The following NRXN3 variants were observed in gnomAD, a reference collection of about 807,000 sequenced individuals.
NRXN3 encodes the protein neurexin III.
NRXN3 carries 32 observed loss-of-function variants against 137.6 expected under a neutral mutation model. That is an observed-to-expected ratio of 0.23 (90% CI 0.18 to 0.31). NRXN3 has a LOEUF of 0.31. NRXN3 is among the 10% of genes least tolerant of loss of function. NRXN3 has a pLI of 1.00. For synonymous variants in NRXN3, 798 were observed against 784.5 expected, an observed-to-expected ratio of 1.02 and a Z score of -0.29; for missense variants, 1,574 against 2,062.5, an observed-to-expected ratio of 0.76 and a Z score of 4.59.
intron 4 of NRXN3, among the ~76,000 whole-genome samples, chr14:78,345,156 A>G (rs1443836843): frequency 6.6e-6 from 1 of 152,156 alleles, no homozygotes; most frequent in Non-Finnish European, 1.5e-5. Context: ...CCTGTGGCCC[A>G]CACTTGGGGG....
rs571687023 is a variant in NRXN3 at position 79,623,849 on chromosome 14, G to GTTTTTTTT, written c.3445-39916_3445-39909dup. 1.5e-4 allele frequency among the ~76,000 whole-genome samples: 15 copies of GTTTTTTTT among 98,012 alleles called. 1 individual carries two copies. Among genetic ancestry groups the GTTTTTTTT allele is most frequent in the African/African-American group, 2.3e-4 (6 of 25,922 alleles). 64.3% of individuals were successfully genotyped at this position (98,012 alleles called of 152,430 possible). On this transcript the variant is annotated intron_variant, in intron 16 of 20. Transcript: ENST00000335750. Reference sequence around the variant, plus strand: ...AGAAATCACTGAGTCCTTAGCTCCTGTTTTTTTTTTTTTTTTTTTTGGTTG... The same window carrying GTTTTTTTT: ...AGAAATCACTGAGTCCTTAGCTCCTGTTTTTTTTTTTTTTTTTTTTTTTTTTTTGGTTG...
chr14:78,330,437 G>A (rs2080668299), intron 4 of NRXN3, among the ~76,000 whole-genome samples: 1 of 151,986 alleles, frequency 6.6e-6, no homozygotes, highest in Non-Finnish European at 1.5e-5. Flanking sequence ...ACCTAATTTA[G>A]GTGGGCTTGG....
chr14:79,431,614 T>G (rs2095756132), intron 15 of NRXN3, among the ~76,000 whole-genome samples: 1 of 152,068 alleles, frequency 6.6e-6, no homozygotes, highest in Non-Finnish European at 1.5e-5. Context: ...TTAAAAGAAA[T>G]GAATGTAAAA....
chr14:78,889,015 T>C lies in NRXN3; in HGVS notation c.2276-68227T>C, dbSNP rs144994594. 2.8e-3 allele frequency among the ~76,000 whole-genome samples: 427 copies of C among 152,114 alleles called. 2 individuals carry two copies. The highest frequency in any genetic ancestry group is 9.7e-3 in the African/African-American group (404 of 41,532). On this transcript the variant is annotated intron_variant, in intron 10 of 20. Transcript: ENST00000335750. ...GGAGATATCTTATATCCTAAGGCTA[T>C]TGATTATGTCAGATGGAATCTCATC...
intron 15 of NRXN3, among the ~76,000 whole-genome samples, chr14:79,244,778 A>G (rs931600099): frequency 1.3e-5 from 2 of 152,174 alleles, no homozygotes; most frequent in Non-Finnish European, 2.9e-5. Context: ...TGGAGAAGAT[A>G]TAAGCGTATA....
intron 10 of NRXN3, among the ~76,000 whole-genome samples, chr14:78,848,350 G>A (rs948677460): frequency 1.3e-5 from 2 of 152,140 alleles, no homozygotes; most frequent in Non-Finnish European, 2.9e-5. Context: ...CACTGAAGAA[G>A]CTTTGGCAAA....
chr14:79,730,026 C>CAGAA, intron 19 of NRXN3, among the ~76,000 whole-genome samples: 1 of 152,152 alleles, frequency 6.6e-6, no homozygotes, highest in Middle Eastern at 3.4e-3. Flanking sequence ...TCATGCTTCT[C>CAGAA]AGAAAGAAAG....
At chr14:79,398,016 A>G (rs1457952291) in intron 15 of NRXN3, among the ~76,000 whole-genome samples, 1 of 152,194 alleles carries the variant, frequency 6.6e-6, no homozygotes, top group Non-Finnish European at 1.5e-5. Flanking sequence ...GATCATCTAT[A>G]ACACTTCCCT....
chr14:78,338,945 C>G (rs979198586), intron 4 of NRXN3, among the ~76,000 whole-genome samples: 1 of 152,148 alleles, frequency 6.6e-6, no homozygotes, highest in Non-Finnish European at 1.5e-5. Context: ...GGCTGAGCCT[C>G]GGATCTAGGC....
intron 19 of NRXN3, among the ~76,000 whole-genome samples, chr14:79,803,893 G>A (rs1005355950): frequency 7.1e-6 from 1 of 141,272 alleles, no homozygotes; most frequent in Admixed American, 7.1e-5. Context: ...ACTAAAAAGT[G>A]TGTGTGTATA....
At chr14:78,308,768 C>A (rs1309901789) in intron 4 of NRXN3, among the ~76,000 whole-genome samples, 1 of 151,960 alleles carries the variant, frequency 6.6e-6, no homozygotes, top group African/African-American at 2.4e-5. Context: ...TATTATACTT[C>A]TCTCCAAATA....
At chr14:78,978,577 A>G (rs1479476519) in intron 14 of NRXN3, among the ~76,000 whole-genome samples, 1 of 151,874 alleles carries the variant, frequency 6.6e-6, no homozygotes, top group Non-Finnish European at 1.5e-5. Flanking sequence ...CTATGGAAGT[A>G]GCTTTGCTGA....
chr14:79,660,291 G>A (rs757056264), intron 16 of NRXN3, among the ~76,000 whole-genome samples: 11 of 152,100 alleles, frequency 7.2e-5, no homozygotes, highest in East Asian at 3.9e-4. Context: ...TAATGCCACC[G>A]TGGTCCCATG....
chr14:79,198,855 C>T (rs916078609), intron 15 of NRXN3, among the ~76,000 whole-genome samples: 1 of 152,170 alleles, frequency 6.6e-6, no homozygotes, highest in Non-Finnish European at 1.5e-5. Context: ...CAAGTAATTT[C>T]TGAGTTACTG....
In NRXN3 at chr14:79,269,166, C is replaced by G. The variant is rs184572636; in HGVS notation, c.3263-198055C>G. Among the ~76,000 whole-genome samples, 699 of 152,278 alleles carry G rather than the reference C, an allele frequency of 4.6e-3. 6 individuals carry two copies. The highest frequency in any genetic ancestry group is 0.032 in the South Asian group (156 of 4,826). On this transcript the variant is annotated intron_variant, in intron 15 of 20. Transcript: ENST00000335750. ...CCGGGTTCACGCCATTCTCCTGCCT[C>G]AGCCTCCCAAGTAGCTGGGACTTCA...
At chr14:78,721,063 A>C (rs1180734593) in intron 8 of NRXN3, among the ~76,000 whole-genome samples, 1 of 152,012 alleles carries the variant, frequency 6.6e-6, no homozygotes, top group South Asian at 2.1e-4. Flanking sequence ...GCAATCTACC[A>C]GTGTCAATGA....
rs947088661 is a variant in NRXN3, at chr14:79,863,031, TTA to T, written c.*1068_*1069del. The T allele has an allele frequency of 6.6e-6, 1 of 152,540 alleles. No individual in the cohort carries two copies. The highest frequency in any genetic ancestry group is 2.4e-5 in the African/African-American group (1 of 41,398). 9.4% of individuals were successfully genotyped at this position (152,540 alleles called of 1,614,324 possible). ...ATGCATGCAAATAAAAAAGACAATA[TTA>T]AAGTCTGTTATCAAACCAGACAGTA... On this transcript the variant is annotated 3_prime_UTR_variant, in exon 21 of 21. Transcript: ENST00000335750.
chr14:79,834,956 C>T (rs1376283208), intron 20 of NRXN3, among the ~76,000 whole-genome samples: 1 of 152,094 alleles, frequency 6.6e-6, no homozygotes, highest in Non-Finnish European at 1.5e-5. Flanking sequence ...CCCGCCACCC[C>T]AACCCTAATA....
At chr14:78,417,971 G>A (rs1472934307) in intron 4 of NRXN3, among the ~76,000 whole-genome samples, 1 of 152,150 alleles carries the variant, frequency 6.6e-6, no homozygotes, top group African/African-American at 2.4e-5. Context: ...TGGCCAGGCT[G>A]GTCTCAAACT....
Sources: gnomAD v4.1 joint callset for allele counts (sites outside exome capture counted in the v4.1 genomes callset) on GRCh38, gnomAD v4.1.1 for gene constraint, MANE v1.5 for transcripts, NCBI Gene and HGNC (gene_info 2026-07-23, HGNC 2026-07-21) for gene names.